RNU4-1: variants seen among roughly 807,000 people sequenced by gnomAD.
The protein encoded by RNU4-1 is RNA, U4A small nuclear.
At chr12:120,293,235 G>C (rs185964429) in exon 1 of RNU4-1, 3 of 152,278 alleles carry the variant, frequency 2.0e-5, no homozygotes, top group Admixed American at 6.5e-5. Flanking sequence ...ACTGCGCAAA[G>C]CTAATTTGTT....
At chr12:120,293,198 A>AT (rs1351155315) in exon 1 of RNU4-1, 3 of 152,190 alleles carry the variant, frequency 2.0e-5, no homozygotes, top group Admixed American at 6.6e-5. Flanking sequence ...CGCGCCTCGG[A>AT]TAGACCTCAT....
At chr12:120,293,134 A>C (rs916761085) in exon 1 of RNU4-1, 2 of 152,206 alleles carry the variant, frequency 1.3e-5, no homozygotes, top group African/African-American at 2.4e-5. Flanking sequence ...AGTGCCGACT[A>C]TATTGCAAGT....
exon 1 of RNU4-1, chr12:120,293,226 C>T (rs935191034): frequency 1.1e-4 from 17 of 152,212 alleles, no homozygotes; most frequent in African/African-American, 3.9e-4. Flanking sequence ...GATACTGCCA[C>T]TGCGCAAAGC....
exon 1 of RNU4-1, chr12:120,293,191 G>C (rs546589411): frequency 1.3e-5 from 2 of 152,108 alleles, no homozygotes; most frequent in East Asian, 3.8e-4. Context: ...CAATAATCGC[G>C]CCTCGGATAG....
chr12:120,293,161 T>C (rs1029597751), exon 1 of RNU4-1: 7 of 152,152 alleles, frequency 4.6e-5, no homozygotes, highest in African/African-American at 9.7e-5. Flanking sequence ...GGCGGGGTAT[T>C]GGGAAAAGTT....
exon 1 of RNU4-1, chr12:120,293,200 A>G (rs3847969): frequency 0.051 from 7,712 of 152,294 alleles, 338 homozygotes; most frequent in Admixed American, 0.14. Context: ...CGCCTCGGAT[A>G]GACCTCATTG....
exon 1 of RNU4-1, chr12:120,293,137 T>TA (rs1872125479): frequency 3.9e-5 from 6 of 152,196 alleles, no homozygotes; most frequent in Non-Finnish European, 7.3e-5. Flanking sequence ...GCCGACTATA[T>TA]TGCAAGTCGT....
At chr12:120,293,102 G>T (rs376527609) in exon 1 of RNU4-1, 1 of 152,076 alleles carries the variant, frequency 6.6e-6, no homozygotes, top group Admixed American at 6.6e-5. Context: ...TTCAGTCTCC[G>T]TAGAGACTGT....
At chr12:120,293,108 A>G (rs746454586) in exon 1 of RNU4-1, 10 of 152,220 alleles carry the variant, frequency 6.6e-5, no homozygotes, top group East Asian at 1.9e-4. Flanking sequence ...CTCCGTAGAG[A>G]CTGTCAAAAA....
chr12:120,293,198 A>G (rs537957615), exon 1 of RNU4-1: 9 of 152,190 alleles, frequency 5.9e-5, no homozygotes, highest in Non-Finnish European at 8.8e-5. Context: ...CGCGCCTCGG[A>G]TAGACCTCAT....
At chr12:120,293,103 T>G (rs769997464) in exon 1 of RNU4-1, 2 of 152,116 alleles carry the variant, frequency 1.3e-5, no homozygotes, top group African/African-American at 2.4e-5. Context: ...TCAGTCTCCG[T>G]AGAGACTGTC....
At chr12:120,293,166 A>T (rs543488968) in exon 1 of RNU4-1, 1 of 152,210 alleles carries the variant, frequency 6.6e-6, no homozygotes, top group Non-Finnish European at 1.5e-5. Flanking sequence ...GGTATTGGGA[A>T]AAGTTTTCAA....
exon 1 of RNU4-1, chr12:120,293,156 G>T (rs554373571): frequency 6.6e-6 from 1 of 152,146 alleles, no homozygotes; most frequent in African/African-American, 2.4e-5. Flanking sequence ...GTCACGGCGG[G>T]GTATTGGGAA....
At chr12:120,293,185 A>G (rs1321007023) in exon 1 of RNU4-1, 1 of 152,208 alleles carries the variant, frequency 6.6e-6, no homozygotes, top group Non-Finnish European at 1.5e-5. Context: ...AATTAGCAAT[A>G]ATCGCGCCTC....
At chr12:120,293,146 G>C (rs374400973) in exon 1 of RNU4-1, 7 of 152,150 alleles carry the variant, frequency 4.6e-5, no homozygotes, top group East Asian at 1.9e-4. Flanking sequence ...ATTGCAAGTC[G>C]TCACGGCGGG....
At chr12:120,293,107 G>C (rs185337837) in exon 1 of RNU4-1, 9 of 152,056 alleles carry the variant, frequency 5.9e-5, no homozygotes, top group Non-Finnish European at 8.8e-5. Context: ...TCTCCGTAGA[G>C]ACTGTCAAAA....
At chr12:120,293,121 G>C (rs1002950798) in exon 1 of RNU4-1, 1 of 152,100 alleles carries the variant, frequency 6.6e-6, no homozygotes, top group African/African-American at 2.4e-5. Flanking sequence ...GTCAAAAATT[G>C]CCAGTGCCGA....
chr12:120,293,179 A>G (rs916836386), exon 1 of RNU4-1: 4 of 152,194 alleles, frequency 2.6e-5, no homozygotes, highest in South Asian at 2.1e-4. Flanking sequence ...GTTTTCAATT[A>G]GCAATAATCG....
chr12:120,293,132 C>G (rs532724132), exon 1 of RNU4-1: 4 of 152,288 alleles, frequency 2.6e-5, no homozygotes, highest in South Asian at 2.1e-4. Flanking sequence ...CCAGTGCCGA[C>G]TATATTGCAA....
Sources: gnomAD v4.1 joint callset for allele counts on GRCh38, gnomAD v4.1.1 for gene constraint, MANE v1.5 for transcripts, NCBI Gene and HGNC (gene_info 2026-07-23, HGNC 2026-07-21) for gene names.